The following GAS2 variants were observed in gnomAD, a reference collection of about 807,000 sequenced individuals.
GAS2 encodes growth arrest-specific protein 2.
Under a neutral mutation model 37.5 loss-of-function variants are expected in GAS2, and 20 were observed. That is an observed-to-expected ratio of 0.53 (90% CI 0.37 to 0.77). The LOEUF (loss-of-function observed/expected upper bound fraction) is 0.77, where lower values mean the gene tolerates loss of function less well. GAS2 is among the 30% of genes least tolerant of loss of function. The probability of loss-of-function intolerance (pLI) is 0.00; values close to 1 mark genes in which losing one functional copy is unlikely to be tolerated. For missense variants in GAS2, 336 were observed against 373.4 expected, an observed-to-expected ratio of 0.90 and a Z score of 0.82; for synonymous variants, 144 against 132.2, an observed-to-expected ratio of 1.09 and a Z score of -0.61.
chr11:22,660,806 A>G (rs1194595851), intron 1 of GAS2, among the ~76,000 whole-genome samples: 1 of 152,220 alleles, frequency 6.6e-6, no homozygotes, highest in Non-Finnish European at 1.5e-5. Flanking sequence ...TTATGCTAAG[A>G]AAAGCCCCAC....
intron 1 of GAS2, among the ~76,000 whole-genome samples, chr11:22,649,220 T>G (rs1478326306): frequency 2.0e-5 from 3 of 152,084 alleles, no homozygotes; most frequent in African/African-American, 7.2e-5. Flanking sequence ...GGATTACATT[T>G]ATTGATTTGC....
intron 5 of GAS2, among the ~76,000 whole-genome samples, chr11:22,744,110 A>G (rs1853244818): frequency 6.6e-6 from 1 of 152,172 alleles, no homozygotes; most frequent in African/African-American, 2.4e-5. Flanking sequence ...AACCCTGAAC[A>G]GACCAATATT....
intron 3 of GAS2, among the ~76,000 whole-genome samples, chr11:22,707,662 A>G (rs1362882391): frequency 6.6e-6 from 1 of 152,192 alleles, no homozygotes; most frequent in African/African-American, 2.4e-5. Flanking sequence ...TTGGTGGCAA[A>G]TGCAATATAA....
intron 3 of GAS2, chr11:22,688,350 A>ACG (rs1341250010): frequency 1.3e-5 from 2 of 152,138 alleles, no homozygotes; most frequent in Non-Finnish European, 2.9e-5. Flanking sequence ...AATACTTTAT[A>ACG]GTCTACGGCC....
chr11:22,774,284 G>A (rs1452096353), intron 7 of GAS2, among the ~76,000 whole-genome samples: 1 of 152,304 alleles, frequency 6.6e-6, no homozygotes, highest in East Asian at 1.9e-4. Context: ...ATGAGCCACT[G>A]CGCCTGGCCT....
chr11:22,749,409 C>A (rs1853605814), intron 6 of GAS2, 148 bp downstream of exon 6: 1 of 665,464 alleles, frequency 1.5e-6, no homozygotes, highest in South Asian at 2.8e-5. Flanking sequence ...CTTTGTAGTC[C>A]TACAATTCAT....
At chr11:22,712,275 C>T (rs1851444651) in intron 3 of GAS2, among the ~76,000 whole-genome samples, 1 of 152,184 alleles carries the variant, frequency 6.6e-6, no homozygotes, top group Admixed American at 6.5e-5. Flanking sequence ...AAACTACAAC[C>T]AAGGACTCCC....
Position 22,811,984 on chromosome 11 carries a change from G to C in GAS2, c.910G>C (p.Ala304Pro). 2 of 1,614,066 alleles carry C rather than the reference G, an allele frequency of 1.2e-6. No homozygotes were observed. Among genetic ancestry groups the C allele is most frequent in the Non-Finnish European group, 8.5e-7 (1 of 1,179,982 alleles). The part of the protein sequence containing the change: ...MNPDNYLVVS[A>P]SYKAKKEIK The stretch of plus-strand genomic sequence containing the variant: ...TCCAGATAACTACTTGGTGGTCTCT[G>C]CCAGTTATAAGGCTAAGAAGGAAAT... The change falls in exon 8 of 8, where the codon GCC becomes CCC. Residue 304 changes from alanine to proline, a missense_variant. Physicochemically the swap from Ala to Pro is conservative, Grantham distance 27 (BLOSUM62 -1). Transcript: ENST00000454584.
At chr11:22,641,667 G>C (rs1335991656) in intron 1 of GAS2, among the ~76,000 whole-genome samples, 1 of 151,946 alleles carries the variant, frequency 6.6e-6, no homozygotes, top group Non-Finnish European at 1.5e-5. Context: ...GTAAATATTA[G>C]GCTATTAAAT....
chr11:22,724,169 T>TAC (rs1161160952), intron 3 of GAS2, among the ~76,000 whole-genome samples: 4 of 151,972 alleles, frequency 2.6e-5, no homozygotes, highest in African/African-American at 9.7e-5. Context: ...CACTAATGTG[T>TAC]ACACATGTAC....
intron 2 of GAS2, among the ~76,000 whole-genome samples, chr11:22,679,263 TC>T (rs1849568475): frequency 6.6e-6 from 1 of 152,106 alleles, no homozygotes; most frequent in African/African-American, 2.4e-5. Flanking sequence ...TTATCGTCTT[TC>T]TTTACAAAAA....
chr11:22,770,796 T>C (rs891576527), intron 7 of GAS2, among the ~76,000 whole-genome samples: 5 of 152,246 alleles, frequency 3.3e-5, no homozygotes, highest in South Asian at 2.1e-4. Flanking sequence ...GTTATTCTCA[T>C]TGTCGTTCAA....
intron 1 of GAS2, among the ~76,000 whole-genome samples, chr11:22,637,161 ATAT>A (rs1232600165): frequency 1.6e-5 from 2 of 125,292 alleles, no homozygotes; most frequent in African/African-American, 3.2e-5. Flanking sequence ...ACTTATGTTA[ATAT>A]TATATTAATA....
intron 1 of GAS2, among the ~76,000 whole-genome samples, chr11:22,627,449 G>A (rs1470548642): frequency 6.6e-6 from 1 of 152,118 alleles, no homozygotes; most frequent in Admixed American, 6.5e-5. Flanking sequence ...AGTCTTAGGG[G>A]ATAGGAAGGT....
At chr11:22,743,439 T>A (rs978314557) in intron 5 of GAS2, among the ~76,000 whole-genome samples, 10 of 152,094 alleles carry the variant, frequency 6.6e-5, no homozygotes, top group African/African-American at 2.4e-4. Flanking sequence ...ACTGGGCACA[T>A]GAAGTACACT....
At chr11:22,646,214 G>A (rs1848688887) in intron 1 of GAS2, among the ~76,000 whole-genome samples, 3 of 151,972 alleles carry the variant, frequency 2.0e-5, no homozygotes, top group Admixed American at 2.0e-4. Flanking sequence ...TGTATAATGA[G>A]AAATTATTAA....
chr11:22,752,372 T>G (rs1397716370), intron 6 of GAS2, among the ~76,000 whole-genome samples: 1 of 151,998 alleles, frequency 6.6e-6, no homozygotes, highest in African/African-American at 2.4e-5. Flanking sequence ...GTGTTTTATT[T>G]CAGGAACAGT....
chr11:22,776,739 A>G (rs1009351757), intron 7 of GAS2, among the ~76,000 whole-genome samples: 5 of 152,182 alleles, frequency 3.3e-5, no homozygotes, highest in Non-Finnish European at 5.9e-5. Flanking sequence ...GTTTCAGAAA[A>G]TATCTTTCTC....
intron 3 of GAS2, among the ~76,000 whole-genome samples, chr11:22,715,644 C>T (rs1435553115): frequency 1.3e-5 from 2 of 151,454 alleles, no homozygotes; most frequent in Non-Finnish European, 2.9e-5. Context: ...GTAGATTAAA[C>T]CAGGAAGAAA....
Sources: allele counts gnomAD v4.1 joint callset (sites outside exome capture counted in the v4.1 genomes callset), GRCh38; gene constraint gnomAD v4.1.1; transcripts MANE v1.5; gene names NCBI Gene and HGNC (gene_info 2026-07-23, HGNC 2026-07-21).